The following RAP1GAP variants were observed in gnomAD, a reference collection of about 807,000 sequenced individuals.
The protein encoded by RAP1GAP is RAP1 GTPase activating protein, also known as rap1 GTPase-activating protein 1.
RAP1GAP carries 35 observed loss-of-function variants against 87.2 expected under a neutral mutation model. The observed-to-expected ratio is 0.40, with a 90% CI of 0.31 to 0.53. RAP1GAP has a LOEUF of 0.53. Ranked by LOEUF, RAP1GAP falls within the 20% of genes least tolerant of loss-of-function variation. The pLI is 0.48. For synonymous variants in RAP1GAP, 375 were observed against 363.9 expected, an observed-to-expected ratio of 1.03 and a Z score of -0.35; for missense variants, 734 against 898.9, an observed-to-expected ratio of 0.82 and a Z score of 2.35.
chr1:21,601,754 C>A lies in RAP1GAP; in HGVS notation c.1582G>T (p.Val528Phe). The change falls in exon 20 of 25, where the codon GTC becomes TTC. Residue 528 changes from valine to phenylalanine, a missense_variant. This residue lies in a region of RAP1GAP where 249 missense variants were observed against 252.7 expected (regional missense o/e 0.99). Coordinates refer to ENST00000374765, the MANE Select transcript of RAP1GAP (RefSeq NM_002885.4). The part of the protein sequence containing the change: ...AGQKTPDSGH[V>F]SQEPKSENSS... ...TTCTCCGACTTGGGCTCCTGTGAGACGTGCCCGCTGTCTGGGGTCTTCTGA... is the reference window on the plus strand; with the variant it reads ...TTCTCCGACTTGGGCTCCTGTGAGAAGTGCCCGCTGTCTGGGGTCTTCTGA... 6.2e-7 allele frequency: 1 copy of A among 1,611,602 alleles called. No homozygotes were observed. Among genetic ancestry groups the A allele is most frequent in the Non-Finnish European group, 8.5e-7 (1 of 1,178,528 alleles).
chr1:21,646,958 T>G (rs1483317248), intron 2 of RAP1GAP, among the ~76,000 whole-genome samples: 1 of 152,164 alleles, frequency 6.6e-6, no homozygotes, highest in African/African-American at 2.4e-5. Context: ...TCACTGCTCC[T>G]TTAATCCAAG....
rs746094834 is a variant in RAP1GAP, at chr1:21,613,170, C to A, written c.528+6G>T. On this transcript the variant is annotated splice_donor_region_variant and intron_variant, in intron 10 of 24. Coordinates refer to ENST00000374765, the MANE Select transcript of RAP1GAP (RefSeq NM_002885.4). This position sits in a 1 kb window ranked among gnomAD's most constrained non-coding sequence, Gnocchi z 4.7. ...CTCAGTGAGCTGTGCCCAGATCCAG[C>A]CATACCTTGGGGTAGAGCACAGGAT... The A allele has an allele frequency of 6.5e-7, 1 of 1,541,736 alleles. No homozygotes were observed. The highest frequency in any genetic ancestry group is 1.7e-5 in the Admixed American group (1 of 59,890).
At chr1:21,645,269 T>C (rs188760672) in intron 2 of RAP1GAP, among the ~76,000 whole-genome samples, 55 of 152,240 alleles carry the variant, frequency 3.6e-4, no homozygotes, top group African/African-American at 1.2e-3. Flanking sequence ...CCTCTGCCCA[T>C]TCTGGTCCCA....
Position 21,630,179 on chromosome 1 carries a change from C to A in RAP1GAP, c.-112-3782G>T, listed in dbSNP as rs76696194. The stretch of plus-strand genomic sequence containing the variant: ...ATGAAAGTCTGAAGATTTGACCTCC[C>A]CCAACATCTGGTTGCAGTGCCCTTA... On this transcript the variant is annotated intron_variant, in intron 2 of 24. Transcript: ENST00000374765. Among the ~76,000 whole-genome samples, 43 of 152,282 alleles carry A rather than the reference C, an allele frequency of 2.8e-4. No individual in the cohort carries two copies. The East Asian group carries it at 8.1e-3, about 29-fold the overall frequency.
At chr1:21,658,647 T>C (rs1467583086) in intron 1 of RAP1GAP, among the ~76,000 whole-genome samples, 1 of 152,162 alleles carries the variant, frequency 6.6e-6, no homozygotes, top group African/African-American at 2.4e-5. Flanking sequence ...CTTGAGAGGC[T>C]GAGGTGAGAG....
intron 2 of RAP1GAP, among the ~76,000 whole-genome samples, chr1:21,649,420 C>T (rs1013616402): frequency 3.3e-5 from 5 of 152,046 alleles, no homozygotes; most frequent in Admixed American, 2.6e-4. Flanking sequence ...TATGCCAGGG[C>T]CAGTTTTTGG....
chr1:21,620,455 C>T lies in RAP1GAP; in HGVS notation c.-18-405G>A, dbSNP rs140726985. Among the ~76,000 whole-genome samples the T allele has an allele frequency of 2.3e-3, 354 of 152,362 alleles. 1 individual carries two copies. Among genetic ancestry groups the T allele is most frequent in the Non-Finnish European group, 3.9e-3 (267 of 68,030 alleles). ...AAGGCTCAGTCAACCAGGCTCAGGC[C>T]ACAGCCCACTGCTCAGACAGCCCAC... On this transcript the variant is annotated intron_variant, in intron 3 of 24. Coordinates refer to ENST00000374765, the MANE Select transcript of RAP1GAP (RefSeq NM_002885.4).
Position 21,617,397 on chromosome 1 carries a change from G to T in RAP1GAP, c.200C>A (p.Pro67His). The change falls in exon 7 of 25, where the codon CCC becomes CAC. Residue 67 changes from proline (P) to histidine (H), a missense_variant. Pro to His is a moderately conservative substitution (Grantham distance 77, BLOSUM62 -2). Around this residue, in one of 2 missense-constraint regions of RAP1GAP, gnomAD observed 485 missense variants for 646.2 expected, o/e 0.75. Transcript: ENST00000374765. ...GGGCGACTGCAGTGGCTCTGTCTCG[G>T]GGATGCTGGTGATTTCGTGGTTGGT... ...EGTNHEITSI[P>H]ETEPLQSPTT... 1 of 1,603,828 alleles carries T rather than the reference G, an allele frequency of 6.2e-7. No individual in the cohort carries two copies. The highest frequency in any genetic ancestry group is 8.5e-7 in the Non-Finnish European group (1 of 1,175,518).
Position 21,609,593 on chromosome 1 carries a change from G to T in RAP1GAP, c.1053C>A (p.Asp351Glu). Reference protein sequence around the residue: ...DVPFFGPPLPDPAVFRKGPEF... With the variant: ...DVPFFGPPLPEPAVFRKGPEF... ...CCCTCACCTTCCTGAACACAGCGGGGTCCGGGAGGGGGGGTCCAAAGAAGG... is the reference window on the plus strand; with the variant it reads ...CCCTCACCTTCCTGAACACAGCGGGTTCCGGGAGGGGGGGTCCAAAGAAGG... Residue 351 changes from aspartate to glutamate, a missense_variant, in exon 15 of 25, where the codon GAC (aspartate) becomes GAA (glutamate). This residue lies in a region of RAP1GAP where 485 missense variants were observed against 646.2 expected (regional missense o/e 0.75). Transcript: ENST00000374765. The surrounding 1 kb of genome is among the most constrained non-coding windows in gnomAD (Gnocchi z 4.4). 1 of 1,577,324 alleles carries T rather than the reference G, an allele frequency of 6.3e-7. No individual in the cohort carries two copies. Among genetic ancestry groups the T allele is most frequent in the Non-Finnish European group, 8.6e-7 (1 of 1,161,792 alleles).
chr1:21,636,116 C>A (rs775110542), intron 2 of RAP1GAP, among the ~76,000 whole-genome samples: 6 of 152,334 alleles, frequency 3.9e-5, no homozygotes, highest in Non-Finnish European at 7.3e-5. Flanking sequence ...ATATGGACAA[C>A]CTGACTAGCC....
At position 21,608,418 on chromosome 1, in the gene RAP1GAP, C is replaced by T. The variant is rs1461042282; in HGVS notation, c.1159-68G>A. 6 of 1,562,000 alleles carry T rather than the reference C, an allele frequency of 3.8e-6. No homozygotes were observed. In the Admixed American group the frequency reaches 9.2e-5, roughly 24 times the overall value. ...AGCCCTTCGGCCCACAGTTCAAATC[C>T]TGGCCACCTTCTGAGGCACGGGCCA... On this transcript the variant is annotated intron_variant, in intron 16 of 24. Transcript: ENST00000374765.
intron 2 of RAP1GAP, among the ~76,000 whole-genome samples, chr1:21,632,586 A>G (rs1456164833): frequency 6.6e-6 from 1 of 152,210 alleles, no homozygotes; most frequent in African/African-American, 2.4e-5. Context: ...AGATCTCAAG[A>G]GAGTTCCATA....
chr1:21,635,933 T>A (rs757332640), intron 2 of RAP1GAP, among the ~76,000 whole-genome samples: 1 of 152,218 alleles, frequency 6.6e-6, no homozygotes, highest in Non-Finnish European at 1.5e-5. Context: ...AACTGGAAAC[T>A]GAGTTCACCA....
chr1:21,626,206 C>A, intron 3 of RAP1GAP, 98 bp downstream of exon 3: 1 of 1,130,652 alleles, frequency 8.8e-7, no homozygotes, highest in South Asian at 1.3e-5. Flanking sequence ...AACATTTTAC[C>A]TTTGCCCAAA....
intron 1 of RAP1GAP, chr1:21,653,116 G>C (rs1431585539): frequency 1.3e-5 from 2 of 152,164 alleles, no homozygotes; most frequent in African/African-American, 4.8e-5. Flanking sequence ...GGGTACCAGG[G>C]TCTACGGTTT....
intron 1 of RAP1GAP, among the ~76,000 whole-genome samples, chr1:21,653,543 A>ACTAACTTC (rs1553496102): frequency 4.8e-5 from 6 of 124,072 alleles, no homozygotes; most frequent in Non-Finnish European, 8.6e-5. Context: ...GAAGGGAGGA[A>ACTAACTTC]CTTCCTTCCT....
Position 21,603,829 on chromosome 1 carries a change from G to A in RAP1GAP, c.1429-916C>T, listed in dbSNP as rs764806167. The A allele has an allele frequency of 1.8e-5, 29 of 1,611,006 alleles. No homozygotes were observed. Among genetic ancestry groups the A allele is most frequent in the Non-Finnish European group, 2.2e-5 (26 of 1,178,680 alleles). On this transcript the variant is annotated intron_variant, in intron 18 of 24. Transcript: ENST00000374765. The surrounding 1 kb of genome is among the most constrained non-coding windows in gnomAD (Gnocchi z 6.0). ...CTCCAGAGCCGGCGGCCCCGCGGAC[G>A]ACAACCTCTTCCACGGTTCCTATGC... is the stretch of plus-strand genomic sequence containing the variant.
At chr1:21,628,611 T>C (rs1289593689) in intron 2 of RAP1GAP, among the ~76,000 whole-genome samples, 2 of 152,020 alleles carry the variant, frequency 1.3e-5, no homozygotes, top group Non-Finnish European at 2.9e-5. Flanking sequence ...TCCCAGCTAC[T>C]TGGGAGGCTG....
rs1022917084 is a variant in RAP1GAP at position 21,615,259 on chromosome 1, C to T, written c.292-1170G>A. 2.6e-5 allele frequency among the ~76,000 whole-genome samples: 4 copies of T among 152,202 alleles called. No individual in the cohort carries two copies. The highest frequency in any genetic ancestry group is 4.4e-5 in the Non-Finnish European group (3 of 68,032). The stretch of plus-strand genomic sequence containing the variant: ...AAGTCATCCTAACCTCCCCTCTCTG[C>T]CAGGATAGGGCCCAGTGCCTGAGCA... On this transcript the variant is annotated intron_variant, in intron 7 of 24. Coordinates refer to ENST00000374765, the MANE Select transcript of RAP1GAP (RefSeq NM_002885.4). This position sits in a 1 kb window ranked among gnomAD's most constrained non-coding sequence, Gnocchi z 4.5.
Sources: allele counts gnomAD v4.1 joint callset (sites outside exome capture counted in the v4.1 genomes callset), GRCh38; gene constraint gnomAD v4.1.1; regional missense constraint gnomAD v4.1.1; non-coding constraint Gnocchi (gnomAD v3.1); transcripts MANE v1.5; gene names NCBI Gene and HGNC (gene_info 2026-07-23, HGNC 2026-07-21).